CELF4: variants seen among roughly 807,000 people sequenced by gnomAD.
CELF4 encodes CUG-BP- and ETR-3-like factor 4.
In CELF4, 18 loss-of-function variants were observed where a neutral mutation model predicts 59.9. The ratio of observed to expected loss-of-function variants is 0.30; its 90% confidence interval spans 0.21 to 0.45. The LOEUF (loss-of-function observed/expected upper bound fraction) is 0.45, where lower values mean the gene tolerates loss of function less well. CELF4 is among the 20% of genes least tolerant of loss of function. The pLI, the probability that CELF4 is intolerant of heterozygous loss-of-function variation, is 1.00. For missense variants in CELF4, 456 were observed against 689.0 expected, an observed-to-expected ratio of 0.66 and a Z score of 3.79; for synonymous variants, 261 against 267.1, an observed-to-expected ratio of 0.98 and a Z score of 0.22.
chr18:37,323,420 A>T (rs1054552240), intron 2 of CELF4, among the ~76,000 whole-genome samples: 1 of 152,062 alleles, frequency 6.6e-6, no homozygotes, highest in African/African-American at 2.4e-5. Flanking sequence ...TCACAGGGAG[A>T]AGAAGGAGGA....
At chr18:37,322,049 G>A (rs548159860) in intron 2 of CELF4, among the ~76,000 whole-genome samples, 168 bp from the exon 3 acceptor site, 8 of 152,230 alleles carry the variant, frequency 5.3e-5, no homozygotes, top group South Asian at 4.1e-4. Flanking sequence ...AGTGCTGCCC[G>A]TCTCCCCTCG....
Position 37,385,429 on chromosome 18 carries a change from G to C in CELF4, c.370-63548C>G, listed in dbSNP as rs148136637. 8.3e-4 allele frequency among the ~76,000 whole-genome samples: 127 copies of C among 152,158 alleles called. 1 individual carries two copies. Among genetic ancestry groups the C allele is most frequent in the Middle Eastern group, 6.8e-3 (2 of 294 alleles). Reference sequence around the variant, plus strand: ...CTCTAACTAGATTAATGCCGTGGTGGTGGCAATGATAGGCATGTCAAGGGA... The same window carrying C: ...CTCTAACTAGATTAATGCCGTGGTGCTGGCAATGATAGGCATGTCAAGGGA... On this transcript the variant is annotated intron_variant, in intron 2 of 12. Transcript: ENST00000420428.
intron 3 of CELF4, among the ~76,000 whole-genome samples, chr18:37,296,848 G>A (rs1159813556): frequency 6.6e-6 from 1 of 152,172 alleles, no homozygotes; most frequent in African/African-American, 2.4e-5. Flanking sequence ...GCAGTTCTGG[G>A]GCTGGTAAGT....
intron 1 of CELF4, among the ~76,000 whole-genome samples, chr18:37,488,414 A>G (rs1473231323): frequency 6.6e-6 from 1 of 152,200 alleles, no homozygotes; most frequent in Non-Finnish European, 1.5e-5. Context: ...ATTCCTTGAA[A>G]GGACTGAATG....
chr18:37,557,831 A>G (rs888857166), intron 1 of CELF4, among the ~76,000 whole-genome samples: 10 of 152,104 alleles, frequency 6.6e-5, no homozygotes, highest in Non-Finnish European at 1.2e-4. Context: ...GCAGAAGGCC[A>G]CATAGGATTT....
chr18:37,358,280 T>G (rs2098637651), intron 2 of CELF4, among the ~76,000 whole-genome samples: 1 of 152,170 alleles, frequency 6.6e-6, no homozygotes, highest in South Asian at 2.1e-4. Flanking sequence ...TCTCACAAGA[T>G]CTGGCAGTTT....
chr18:37,434,627 G>A (rs1603639009), intron 2 of CELF4, among the ~76,000 whole-genome samples: 1 of 152,162 alleles, frequency 6.6e-6, no homozygotes, highest in Non-Finnish European at 1.5e-5. Context: ...GGGTGAATGA[G>A]CAGCTGCACC....
chr18:37,445,706 C>T (rs983638472), intron 2 of CELF4, among the ~76,000 whole-genome samples: 1 of 151,846 alleles, frequency 6.6e-6, no homozygotes, highest in Non-Finnish European at 1.5e-5. Context: ...CAACTCTTTC[C>T]AAAAGAGAAA....
At chr18:37,419,768 C>G (rs1015956669) in intron 2 of CELF4, among the ~76,000 whole-genome samples, 3 of 152,332 alleles carry the variant, frequency 2.0e-5, no homozygotes, top group East Asian at 3.9e-4. Context: ...CTTGGAGGGT[C>G]CCTACAGGAT....
chr18:37,286,070 A>G (rs2094723041), intron 3 of CELF4, among the ~76,000 whole-genome samples: 1 of 152,156 alleles, frequency 6.6e-6, no homozygotes, highest in Admixed American at 6.5e-5. Context: ...AAGGAGACAG[A>G]CAAAGCAGGG....
chr18:37,285,587 T>G (rs922997408), intron 3 of CELF4, among the ~76,000 whole-genome samples: 2 of 152,188 alleles, frequency 1.3e-5, no homozygotes, highest in Non-Finnish European at 1.5e-5. Context: ...TGAGAGGAGA[T>G]GAGCTGGCCT....
intron 11 of CELF4, among the ~76,000 whole-genome samples, chr18:37,255,646 C>T (rs920896674): frequency 6.6e-6 from 1 of 151,862 alleles, no homozygotes; most frequent in Admixed American, 6.6e-5. Flanking sequence ...AAGTAAAAGT[C>T]AAGTACTTAG....
At chr18:37,489,730 G>C (rs983854353) in intron 1 of CELF4, among the ~76,000 whole-genome samples, 7 of 152,240 alleles carry the variant, frequency 4.6e-5, no homozygotes, top group African/African-American at 1.7e-4. Context: ...ACTCACAGTT[G>C]AGGTGGGAAA....
chr18:37,475,442 A>G (rs973730813), intron 2 of CELF4, among the ~76,000 whole-genome samples: 2 of 152,206 alleles, frequency 1.3e-5, no homozygotes, highest in Non-Finnish European at 2.9e-5. Context: ...CATTTTAGCC[A>G]GGGCTTAGAC....
intron 1 of CELF4, among the ~76,000 whole-genome samples, chr18:37,521,479 G>A (rs1430427290): frequency 3.9e-5 from 6 of 152,076 alleles, no homozygotes; most frequent in Admixed American, 6.5e-5. Context: ...TATCTACAAT[G>A]CGGTCTTATA....
At chr18:37,411,335 C>A (rs1189587515) in intron 2 of CELF4, among the ~76,000 whole-genome samples, 1 of 152,128 alleles carries the variant, frequency 6.6e-6, no homozygotes, top group East Asian at 1.9e-4. Flanking sequence ...AAGCCCATCC[C>A]AATGTGTGGG....
intron 1 of CELF4, among the ~76,000 whole-genome samples, chr18:37,539,951 A>G (rs2099976599): frequency 6.6e-6 from 1 of 152,196 alleles, no homozygotes; most frequent in Admixed American, 6.5e-5. Context: ...GAGCTGGACA[A>G]TAGACATAGC....
At chr18:37,518,742 C>T in intron 1 of CELF4, among the ~76,000 whole-genome samples, 1 of 152,340 alleles carries the variant, frequency 6.6e-6, no homozygotes, top group African/African-American at 2.4e-5. Context: ...CCACACTGGG[C>T]AGTCTGCTAC....
intron 2 of CELF4, among the ~76,000 whole-genome samples, chr18:37,444,524 C>G (rs1413982622): frequency 6.6e-6 from 1 of 151,962 alleles, no homozygotes; most frequent in African/African-American, 2.4e-5. Flanking sequence ...TCCCACTGCC[C>G]TGCTCTACCC....
Sources: gnomAD v4.1 joint callset for allele counts (sites outside exome capture counted in the v4.1 genomes callset) on GRCh38, gnomAD v4.1.1 for gene constraint, MANE v1.5 for transcripts, NCBI Gene and HGNC (gene_info 2026-07-23, HGNC 2026-07-21) for gene names.